ENPP3: variants seen among roughly 807,000 people sequenced by gnomAD.
The protein encoded by ENPP3 is ectonucleotide pyrophosphatase/phosphodiesterase 3.
ENPP3 carries 104 observed loss-of-function variants against 117.8 expected under a neutral mutation model. The observed-to-expected ratio is 0.88, with a 90% CI of 0.75 to 1.04. The LOEUF (loss-of-function observed/expected upper bound fraction) is 1.04. Ranked by LOEUF, ENPP3 falls within the 50% of genes least tolerant of loss-of-function variation. ENPP3 has a pLI of 0.00. For missense variants in ENPP3, 1,026 were observed against 1,051.9 expected (o/e 0.98, Z 0.34); for synonymous variants, 380 against 349.9 (o/e 1.09, Z -0.96).
At chr6:131,677,982 T>C (rs1232762545) in intron 11 of ENPP3, 42 bp downstream of exon 11, 7 of 1,234,538 alleles carry the variant, frequency 5.7e-6, no homozygotes, top group Non-Finnish European at 8.3e-6. Context: ...AAATGTAAAA[T>C]CATCTAACCC....
chr6:131,710,118 T>C (rs1284516916), intron 15 of ENPP3: 35 of 1,613,886 alleles, frequency 2.2e-5, no homozygotes, highest in Non-Finnish European at 2.9e-5. Flanking sequence ...CATTTTCCCA[T>C]TGACTGTTCA....
At chr6:131,671,467 G>A (rs1778740503) in intron 7 of ENPP3, 140 bp downstream of exon 7, 1 of 639,474 alleles carries the variant, frequency 1.6e-6, no homozygotes, top group Non-Finnish European at 2.8e-6. Context: ...CTGAATTCAG[G>A]CTGTGAAGGA....
intron 6 of ENPP3, among the ~76,000 whole-genome samples, chr6:131,659,279 C>T (rs1273605899): frequency 6.6e-6 from 1 of 151,036 alleles, no homozygotes; most frequent in African/African-American, 2.5e-5. Context: ...GAGACCTCAT[C>T]TCTATTTAAT....
intron 2 of ENPP3, among the ~76,000 whole-genome samples, chr6:131,644,628 G>A (rs1403961466): frequency 1.3e-5 from 2 of 152,162 alleles, no homozygotes; most frequent in Non-Finnish European, 2.9e-5. Flanking sequence ...AAAATCAGGA[G>A]CTCAGTTTTG....
At chr6:131,684,764 C>A (rs1296952563) in intron 12 of ENPP3, among the ~76,000 whole-genome samples, 1 of 151,804 alleles carries the variant, frequency 6.6e-6, no homozygotes. Context: ...ATAGCACGTA[C>A]TCCTTATATA....
Position 131,674,176 on chromosome 6 carries a change from G to A in ENPP3, c.657G>A (p.Glu219=). The A allele has an allele frequency of 6.4e-7, 1 of 1,552,076 alleles. No individual in the cohort carries two copies. Among genetic ancestry groups the A allele is most frequent in the Non-Finnish European group, 8.9e-7 (1 of 1,125,838 alleles). The change falls in exon 8 of 25, where the codon GAG becomes GAA. Residue 219 remains glutamate (E), a synonymous_variant. Coordinates refer to ENST00000357639, the MANE Select transcript of ENPP3 (RefSeq NM_005021.5). ...HYTIVTGLYP[E]SHGIIDNNMY... ...TATCATTTTAGGGCTTGTATCCAGA[G>A]TCACATGGCATCATTGACAATAATA... is the stretch of plus-strand genomic sequence containing the variant.
intron 11 of ENPP3, among the ~76,000 whole-genome samples, chr6:131,678,907 C>CTTTCTTTCTTTCTT (rs1335245559): frequency 1.4e-5 from 1 of 71,718 alleles, no homozygotes; most frequent in East Asian, 3.8e-4. Flanking sequence ...CTTTCTTTCT[C>CTTTCTTTCTTTCTT]TCTTTCTTTC....
At chr6:131,717,396 GTGTGTGTGTATT>G (rs1779920782) in intron 15 of ENPP3, among the ~76,000 whole-genome samples, 1 of 133,016 alleles carries the variant, frequency 7.5e-6, no homozygotes, top group African/African-American at 3.4e-5. Context: ...GTGTGTGTGT[GTGTGTGTGTATT>G]TGCCCTTGGG....
intron 12 of ENPP3, among the ~76,000 whole-genome samples, chr6:131,684,434 C>A (rs886095625): frequency 6.6e-6 from 1 of 152,178 alleles, no homozygotes. Flanking sequence ...AATCCCCGCA[C>A]TTTAGGAGGC....
intron 2 of ENPP3, among the ~76,000 whole-genome samples, chr6:131,645,296 T>G (rs1778131985): frequency 6.6e-6 from 1 of 152,246 alleles, no homozygotes; most frequent in African/African-American, 2.4e-5. Flanking sequence ...CTTTCTAGAA[T>G]GGCTGCCTCA....
intron 2 of ENPP3, among the ~76,000 whole-genome samples, chr6:131,647,629 C>G (rs1394093424): frequency 6.6e-6 from 1 of 152,100 alleles, no homozygotes; most frequent in Non-Finnish European, 1.5e-5. Flanking sequence ...ATACCTTTCT[C>G]CATAACCTCC....
intron 2 of ENPP3, among the ~76,000 whole-genome samples, chr6:131,646,274 CTGTGTGTG>C (rs34014584): frequency 2.3e-4 from 34 of 145,604 alleles, no homozygotes; most frequent in East Asian, 1.4e-3. Flanking sequence ...TCTCAATACT[CTGTGTGTG>C]TGTGTGTGTG....
intron 5 of ENPP3, among the ~76,000 whole-genome samples, chr6:131,657,940 A>C (rs1039434009): frequency 6.6e-6 from 1 of 152,068 alleles, no homozygotes; most frequent in African/African-American, 2.4e-5. Flanking sequence ...AGGCGGGCGG[A>C]TCACTTGAGG....
chr6:131,642,351 AT>A lies in ENPP3; in HGVS notation c.154+828del, dbSNP rs543899383. 3.3e-3 allele frequency among the ~76,000 whole-genome samples: 507 copies of A among 152,118 alleles called. 5 individuals are homozygous for A. Among genetic ancestry groups the A allele is most frequent in the African/African-American group, 0.012 (487 of 41,492 alleles). The stretch of plus-strand genomic sequence containing the variant: ...GTAGTGCATAATAATATCTTCAAAA[AT>A]TTTTTTCTTATAAGAAGCAAAGAAA... On this transcript the variant is annotated intron_variant, in intron 2 of 24. Transcript: ENST00000357639.
At chr6:131,664,478 G>A (rs768845612) in intron 6 of ENPP3, among the ~76,000 whole-genome samples, 1 of 152,098 alleles carries the variant, frequency 6.6e-6, no homozygotes, top group Admixed American at 6.6e-5. Flanking sequence ...GTAAGCTAAG[G>A]TTAATTGATT....
chr6:131,672,239 A>G (rs1778759951), intron 7 of ENPP3, among the ~76,000 whole-genome samples: 1 of 152,214 alleles, frequency 6.6e-6, no homozygotes, highest in Admixed American at 6.5e-5. Context: ...TAGCTGTCAT[A>G]CTATAAACAA....
At chr6:131,727,552 T>C (rs1316956496) in intron 20 of ENPP3, among the ~76,000 whole-genome samples, 3 of 84,740 alleles carry the variant, frequency 3.5e-5, no homozygotes, top group Non-Finnish European at 5.8e-5. Flanking sequence ...TGAAAGTCCA[T>C]CTCAAAAAAA....
At chr6:131,658,835 C>G (rs1162294457) in intron 6 of ENPP3, among the ~76,000 whole-genome samples, 4 of 152,170 alleles carry the variant, frequency 2.6e-5, no homozygotes, top group Non-Finnish European at 5.9e-5. Flanking sequence ...CAGCCGATAT[C>G]AAGTCCAGGA....
At chr6:131,697,817 C>T (rs959993728) in intron 15 of ENPP3, among the ~76,000 whole-genome samples, 1 of 152,036 alleles carries the variant, frequency 6.6e-6, no homozygotes, top group Non-Finnish European at 1.5e-5. Context: ...AGGCCACAGA[C>T]AGGTGTGGGT....
Sources: gnomAD v4.1 joint callset for allele counts (sites outside exome capture counted in the v4.1 genomes callset) on GRCh38, gnomAD v4.1.1 for gene constraint, MANE v1.5 for transcripts, NCBI Gene and HGNC (gene_info 2026-07-23, HGNC 2026-07-21) for gene names.